Variants in NAV2 observed in about 807,000 individuals in gnomAD.
NAV2 encodes helicase, APC down-regulated 1.
Under a neutral mutation model 223.2 loss-of-function variants are expected in NAV2, and 54 were observed. That is an observed-to-expected ratio of 0.24 (90% CI 0.19 to 0.30). The LOEUF (loss-of-function observed/expected upper bound fraction) is 0.30, where lower values mean the gene tolerates loss of function less well. NAV2 is among the 10% of genes least tolerant of loss of function. The pLI is 1.00. For synonymous variants in NAV2, 1,279 were observed against 1,239.3 expected (o/e 1.03, Z -0.67); for missense variants, 2,806 against 3,147.5 (o/e 0.89, Z 2.60).
At chr11:19,578,057 C>T (rs1206389927) in intron 1 of NAV2, among the ~76,000 whole-genome samples, 1 of 152,174 alleles carries the variant, frequency 6.6e-6, no homozygotes, top group South Asian at 2.1e-4. Flanking sequence ...ACAAATGACT[C>T]GTATTCCTCC....
chr11:19,803,662 G>T (rs960862228), intron 1 of NAV2, among the ~76,000 whole-genome samples: 2 of 152,244 alleles, frequency 1.3e-5, no homozygotes, highest in African/African-American at 4.8e-5. Flanking sequence ...GCTTGTGAGA[G>T]GAAACTGTTA....
At chr11:19,533,488 G>T (rs1367879784) in intron 1 of NAV2, among the ~76,000 whole-genome samples, 1 of 152,052 alleles carries the variant, frequency 6.6e-6, no homozygotes, top group Non-Finnish European at 1.5e-5. Context: ...GTCCACACAT[G>T]TCCTGGGCAT....
intron 11 of NAV2, among the ~76,000 whole-genome samples, chr11:19,989,178 A>G (rs1442989100): frequency 2.0e-5 from 3 of 152,164 alleles, no homozygotes; most frequent in Non-Finnish European, 2.9e-5. Flanking sequence ...GGCGAGGGGA[A>G]TTAAGGTTGC....
At chr11:20,076,973 G>T (rs540890275) in intron 22 of NAV2, among the ~76,000 whole-genome samples, 17 of 152,262 alleles carry the variant, frequency 1.1e-4, no homozygotes, top group Admixed American at 6.5e-4. Context: ...GGGCCTTTCA[G>T]TGGCTTTTTA....
chr11:20,023,093 C>T (rs766366542), intron 11 of NAV2: 12 of 1,551,652 alleles, frequency 7.7e-6, no homozygotes, highest in Middle Eastern at 1.7e-4. Context: ...CTCCAAGGGC[C>T]GCAATGTAGT....
At chr11:19,502,889 A>G (rs142879132) in intron 1 of NAV2, 11 of 152,328 alleles carry the variant, frequency 7.2e-5, no homozygotes, top group African/African-American at 2.4e-4. Flanking sequence ...TGCCAGCTTC[A>G]TAAGTCCTGG....
chr11:19,559,878 A>G (rs143139836), intron 1 of NAV2, among the ~76,000 whole-genome samples: 8 of 152,158 alleles, frequency 5.3e-5, no homozygotes, highest in Middle Eastern at 3.4e-3. Flanking sequence ...CCTTCTCAGT[A>G]AGCTGCCTGA....
At chr11:19,849,429 A>G (rs1486695314) in intron 3 of NAV2, among the ~76,000 whole-genome samples, 2 of 152,236 alleles carry the variant, frequency 1.3e-5, no homozygotes, top group Non-Finnish European at 2.9e-5. Context: ...GCAACATGAA[A>G]GCTGAAACAG....
intron 1 of NAV2, among the ~76,000 whole-genome samples, chr11:19,581,771 G>T (rs574384996): frequency 6.6e-6 from 1 of 152,246 alleles, no homozygotes; most frequent in Non-Finnish European, 1.5e-5. Context: ...ATCATCGTTG[G>T]ACATTTGGGT....
chr11:19,759,243 C>T (rs531762207), intron 1 of NAV2, among the ~76,000 whole-genome samples: 12 of 152,008 alleles, frequency 7.9e-5, no homozygotes, highest in South Asian at 2.1e-4. Flanking sequence ...CCGCCATGCC[C>T]GGCTAATTTT....
chr11:19,889,818 G>C (rs2041343281), intron 5 of NAV2, among the ~76,000 whole-genome samples: 1 of 152,198 alleles, frequency 6.6e-6, no homozygotes, highest in Admixed American at 6.5e-5. Flanking sequence ...CTTGGATTGA[G>C]TAGTTTCTCT....
In NAV2 at chr11:19,971,255, G is replaced by A. The variant is rs189216640; in HGVS notation, c.2646-12870G>A. Among the ~76,000 whole-genome samples the A allele has an allele frequency of 2.0e-4, 30 of 152,124 alleles. 1 individual carries two copies. The highest frequency in any genetic ancestry group is 6.5e-4 in the African/African-American group (27 of 41,496). On this transcript the variant is annotated intron_variant, in intron 10 of 37. Transcript: ENST00000349880. Reference sequence around the variant, plus strand: ...CATTGCTCACTATGCGAGGGACGGGGGTTATGTGGTATGTGCCAAGCTGAA... The same window carrying A: ...CATTGCTCACTATGCGAGGGACGGGAGTTATGTGGTATGTGCCAAGCTGAA...
At chr11:20,073,935 A>C (rs2059564589) in intron 22 of NAV2, among the ~76,000 whole-genome samples, 1 of 151,926 alleles carries the variant, frequency 6.6e-6, no homozygotes, top group Admixed American at 6.6e-5. Context: ...TATCTCCTTC[A>C]GTTCTGCTCT....
chr11:19,626,138 T>C (rs1161572658), intron 1 of NAV2, among the ~76,000 whole-genome samples: 2 of 152,234 alleles, frequency 1.3e-5, no homozygotes, highest in East Asian at 1.9e-4. Flanking sequence ...ATTTCCCTTA[T>C]ATTTTCTTTG....
chr11:19,782,209 C>T (rs1347782296), intron 1 of NAV2, among the ~76,000 whole-genome samples: 1 of 152,190 alleles, frequency 6.6e-6, no homozygotes, highest in Non-Finnish European at 1.5e-5. Flanking sequence ...AGGAATAGTT[C>T]CATATGCATT....
At chr11:19,487,875 G>A (rs1033738464) in intron 1 of NAV2, among the ~76,000 whole-genome samples, 2 of 151,752 alleles carry the variant, frequency 1.3e-5, no homozygotes, top group South Asian at 4.2e-4. Flanking sequence ...CAAAGTAGAG[G>A]ACCCAGTTGA....
intron 1 of NAV2, among the ~76,000 whole-genome samples, chr11:19,618,525 GAT>G (rs2046881909): frequency 1.3e-5 from 2 of 151,964 alleles, no homozygotes; most frequent in East Asian, 3.9e-4. Flanking sequence ...TGGATGGATG[GAT>G]GGATGGATGG....
intron 1 of NAV2, among the ~76,000 whole-genome samples, chr11:19,547,094 C>G (rs996769186): frequency 5.3e-5 from 8 of 152,208 alleles, no homozygotes; most frequent in African/African-American, 9.7e-5. Flanking sequence ...TCCCTGCCTA[C>G]CCACATCCAA....
intron 1 of NAV2, among the ~76,000 whole-genome samples, chr11:19,444,946 G>T (rs1027653256): frequency 6.6e-6 from 1 of 152,126 alleles, no homozygotes; most frequent in Non-Finnish European, 1.5e-5. Context: ...TCTATATGAA[G>T]AATAGGAAAA....
Sources: gnomAD v4.1 joint callset for allele counts (sites outside exome capture counted in the v4.1 genomes callset) on GRCh38, gnomAD v4.1.1 for gene constraint, MANE v1.5 for transcripts, NCBI Gene and HGNC (gene_info 2026-07-23, HGNC 2026-07-21) for gene names.